The following IPMK variants were observed in gnomAD, a reference collection of about 807,000 sequenced individuals.
IPMK encodes inositol polyphosphate multikinase.
In IPMK, 17 loss-of-function variants were observed where a neutral mutation model predicts 45.8. The ratio of observed to expected loss-of-function variants is 0.37; its 90% CI spans 0.25 to 0.56. The LOEUF is 0.56. Among genes scored for constraint, IPMK ranks in the 20% least tolerant of loss-of-function variants. The pLI is 0.79. For synonymous variants in IPMK, 180 were observed against 184.3 expected, an observed-to-expected ratio of 0.98 and a Z score of 0.19; for missense variants, 399 against 498.0, an observed-to-expected ratio of 0.80 and a Z score of 1.89.
intron 4 of IPMK, among the ~76,000 whole-genome samples, chr10:58,202,215 T>C (rs1468299034): frequency 6.6e-6 from 1 of 152,140 alleles, no homozygotes; most frequent in Non-Finnish European, 1.5e-5. Context: ...GAAACGGCCT[T>C]CTATTGAAAA....
At chr10:58,201,629 A>G (rs888712823) in intron 4 of IPMK, among the ~76,000 whole-genome samples, 2 of 152,178 alleles carry the variant, frequency 1.3e-5, no homozygotes, top group Non-Finnish European at 2.9e-5. Flanking sequence ...TAATTAATTA[A>G]TAACCCTCCA....
intron 1 of IPMK, among the ~76,000 whole-genome samples, chr10:58,264,576 T>C (rs1330776781): frequency 6.6e-6 from 1 of 152,202 alleles, no homozygotes; most frequent in Admixed American, 6.5e-5. Context: ...TGGGAATTTA[T>C]ATTGATCTTT....
intron 2 of IPMK, among the ~76,000 whole-genome samples, chr10:58,228,288 A>G (rs1838452024): frequency 6.6e-6 from 1 of 152,226 alleles, no homozygotes; most frequent in African/African-American, 2.4e-5. Flanking sequence ...GATAAAAGGC[A>G]TATTACATAA....
At chr10:58,243,769 C>T (rs573960250) in intron 1 of IPMK, among the ~76,000 whole-genome samples, 1 of 152,362 alleles carries the variant, frequency 6.6e-6, no homozygotes, top group African/African-American at 2.4e-5. Flanking sequence ...GCTAAGATTA[C>T]AGCCTCTGCC....
chr10:58,231,223 G>C (rs1838511905), intron 2 of IPMK, among the ~76,000 whole-genome samples: 1 of 152,296 alleles, frequency 6.6e-6, no homozygotes, highest in Middle Eastern at 3.4e-3. Flanking sequence ...GGAAGCGATG[G>C]GGAGAATGGA....
Position 58,195,384 on chromosome 10 carries a change from G to GT in IPMK, c.*691dup, listed in dbSNP as rs998213987. The GT allele has an allele frequency of 1.6e-4, 25 of 152,032 alleles. No homozygotes were observed. The highest frequency in any genetic ancestry group is 6.0e-4 in the African/African-American group (25 of 41,410). 9.4% of individuals were successfully genotyped at this position (152,032 alleles called of 1,614,324 possible). ...TAATATCTCTCTTCCCCTAACCCCA[G>GT]TAAGGACAATTAGTGTGCCCTTAAT... On this transcript the variant is annotated 3_prime_UTR_variant, in exon 6 of 6. Transcript: ENST00000373935.
At chr10:58,206,209 T>C (rs1838069416) in intron 4 of IPMK, among the ~76,000 whole-genome samples, 1 of 130,370 alleles carries the variant, frequency 7.7e-6, no homozygotes, top group South Asian at 2.3e-4. Context: ...ATACCACACA[T>C]TGTACTGTAA....
At chr10:58,206,901 GAAT>G (rs1401520041) in intron 4 of IPMK, among the ~76,000 whole-genome samples, 1 of 152,050 alleles carries the variant, frequency 6.6e-6, no homozygotes, top group Non-Finnish European at 1.5e-5. Flanking sequence ...AGTTCTCTTA[GAAT>G]AATGGTCTCC....
In IPMK at chr10:58,227,679, A is replaced by T. The variant is rs147375122; in HGVS notation, c.277-540T>A. Among the ~76,000 whole-genome samples, 1,219 of 152,102 alleles carry T rather than the reference A, an allele frequency of 8.0e-3. 17 individuals are homozygous for T. Among genetic ancestry groups the T allele is most frequent in the African/African-American group, 0.028 (1,168 of 41,516 alleles). ...GGTGATTTTTGCTTTTATCTTTTTT[A>T]AAAAAAATCCTTTAACACAATGTAA... On this transcript the variant is annotated intron_variant, in intron 2 of 5. Coordinates refer to ENST00000373935, the MANE Select transcript of IPMK (RefSeq NM_152230.5).
At chr10:58,267,286 A>T in intron 1 of IPMK, 136 bp downstream of exon 1, 1 of 790,128 alleles carries the variant, frequency 1.3e-6, no homozygotes, top group South Asian at 1.7e-5. Flanking sequence ...TTCGGGGGAC[A>T]GCGGAAGAGG....
At chr10:58,262,414 A>G (rs1419693009) in intron 1 of IPMK, among the ~76,000 whole-genome samples, 1 of 152,182 alleles carries the variant, frequency 6.6e-6, no homozygotes, top group African/African-American at 2.4e-5. Context: ...ATTTAGAATC[A>G]AGGGAAAGGA....
intron 4 of IPMK, among the ~76,000 whole-genome samples, chr10:58,210,708 A>T (rs2132149034): frequency 6.6e-6 from 1 of 152,268 alleles, no homozygotes; most frequent in East Asian, 1.9e-4. Flanking sequence ...GTAAGGTTAA[A>T]TCCTCCAACT....
intron 4 of IPMK, among the ~76,000 whole-genome samples, chr10:58,206,520 T>C (rs545612822): frequency 6.6e-6 from 1 of 152,350 alleles, no homozygotes; most frequent in East Asian, 1.9e-4. Flanking sequence ...CCTCCATTTA[T>C]GTCTAGGGAA....
At position 58,195,436 on chromosome 10, in the gene IPMK, A is replaced by T. The variant is rs1837877326; in HGVS notation, c.*640T>A. 1 of 152,134 alleles carries T rather than the reference A, an allele frequency of 6.6e-6. No homozygotes were observed. The highest frequency in any genetic ancestry group is 2.4e-5 in the African/African-American group (1 of 41,442). 9.4% of individuals were successfully genotyped at this position (152,134 alleles called of 1,614,324 possible). A position where few individuals can be genotyped will look rare whatever the true frequency, so the allele number is the denominator to read the frequency against. On this transcript the variant is annotated 3_prime_UTR_variant, in exon 6 of 6. Coordinates refer to ENST00000373935, the MANE Select transcript of IPMK (RefSeq NM_152230.5). ...TCAAGACTTTGTTGTTGTCATCCAC[A>T]TCAATTGTCTTTTTCATGAAGTATA... is the stretch of plus-strand genomic sequence containing the variant.
rs1350051529 is a variant in IPMK, at chr10:58,199,273, C to T, written c.595G>A (p.Gly199Arg). ...ATAGTTTCTTTTGTTAAGCTTCTTC[C>T]GTAATGCTGGTTTTCTGTCTCATAG... ...DSYETENQHY[G>R]RSLTKETIKD... is the part of the protein sequence containing the mutation. The change falls in exon 5 of 6, where the codon GGA becomes AGA. Residue 199 changes from glycine to arginine, a missense_variant. Physicochemically the swap from Gly to Arg is moderately radical, Grantham distance 125 (BLOSUM62 -2). Transcript: ENST00000373935. The T allele has an allele frequency of 4.4e-6, 7 of 1,608,402 alleles. No individual in the cohort carries two copies. The highest frequency in any genetic ancestry group is 4.2e-6 in the Non-Finnish European group (5 of 1,177,208).
chr10:58,264,876 C>T (rs1018143023), intron 1 of IPMK, among the ~76,000 whole-genome samples: 21 of 152,036 alleles, frequency 1.4e-4, no homozygotes, highest in African/African-American at 5.1e-4. Flanking sequence ...AACAGAACCG[C>T]GCTAATGTGT....
chr10:58,242,304 A>G (rs191083714), intron 1 of IPMK, among the ~76,000 whole-genome samples: 1 of 151,760 alleles, frequency 6.6e-6, no homozygotes, highest in Admixed American at 6.6e-5. Context: ...AAAAATACAT[A>G]AAAAAATTAG....
intron 1 of IPMK, among the ~76,000 whole-genome samples, chr10:58,243,612 A>C (rs2790210): frequency 6.6e-6 from 1 of 151,768 alleles, no homozygotes; most frequent in Non-Finnish European, 1.5e-5. Context: ...TCGGGTGATT[A>C]GCCCGCCTCG....
intron 1 of IPMK, 71 bp downstream of exon 1, chr10:58,267,351 G>C (rs1839163848): frequency 2.0e-6 from 3 of 1,513,618 alleles, no homozygotes; most frequent in Non-Finnish European, 1.8e-6. Context: ...GAGAGCGCTA[G>C]GCTGCCTCCG....
Sources: gnomAD v4.1 joint callset for allele counts (sites outside exome capture counted in the v4.1 genomes callset) on GRCh38, gnomAD v4.1.1 for gene constraint, MANE v1.5 for transcripts, NCBI Gene and HGNC (gene_info 2026-07-23, HGNC 2026-07-21) for gene names.